Variants in REDIC1 observed in about 807,000 individuals in gnomAD.
The protein encoded by REDIC1 is regulator of DNA class I crossover intermediates 1.
the REDIC1 span, among the ~76,000 whole-genome samples, chr12:39,784,600 T>C: frequency 6.6e-6 from 1 of 152,304 alleles, no homozygotes; most frequent in East Asian, 1.9e-4. Flanking sequence ...ACTTAAATGT[T>C]AGACCTAAAA....
At chr12:39,697,861 C>A in the REDIC1 span, among the ~76,000 whole-genome samples, 1 of 152,012 alleles carries the variant, frequency 6.6e-6, no homozygotes, top group Non-Finnish European at 1.5e-5. Context: ...GACCACAAAA[C>A]GGCCAAAAAA....
At chr12:39,741,601 C>A in the REDIC1 span, among the ~76,000 whole-genome samples, 1 of 152,008 alleles carries the variant, frequency 6.6e-6, no homozygotes, top group African/African-American at 2.4e-5. Flanking sequence ...AAATAAAAAC[C>A]CAGGAAGTCT....
At chr12:39,795,243 G>T in the REDIC1 span, among the ~76,000 whole-genome samples, 1 of 150,698 alleles carries the variant, frequency 6.6e-6, no homozygotes, top group African/African-American at 2.4e-5. Context: ...GTTTCTTTGA[G>T]TTTCATTCAG....
chr12:39,646,536 G>T, the REDIC1 span: 2 of 1,379,170 alleles, frequency 1.5e-6, no homozygotes, highest in Non-Finnish European at 2.0e-6. Context: ...ACTCGAAAAT[G>T]TATAAAATAC....
chr12:39,712,907 AC>A, the REDIC1 span, among the ~76,000 whole-genome samples: 1 of 146,530 alleles, frequency 6.8e-6, no homozygotes, highest in African/African-American at 2.5e-5. Context: ...ACGTGTATAT[AC>A]GTATATACAT....
At chr12:39,783,748 G>C in the REDIC1 span, among the ~76,000 whole-genome samples, 1 of 152,034 alleles carries the variant, frequency 6.6e-6, no homozygotes, top group African/African-American at 2.4e-5. Flanking sequence ...TGAGTTCTTT[G>C]TAGATTCTGG....
At chr12:39,892,864 C>A in the REDIC1 span, among the ~76,000 whole-genome samples, 1 of 152,088 alleles carries the variant, frequency 6.6e-6, no homozygotes, top group East Asian at 1.9e-4. Flanking sequence ...TATTTTCCAT[C>A]TTTTTCTCAA....
the REDIC1 span, chr12:39,829,686 TACAGTCGTGATGC>T: frequency 5.6e-6 from 1 of 179,986 alleles, no homozygotes; most frequent in Non-Finnish European, 1.2e-5. Context: ...GTGCTGGGAT[TACAGTCGTGATGC>T]ACTGTGCCCA....
the REDIC1 span, among the ~76,000 whole-genome samples, chr12:39,667,960 C>T: frequency 6.6e-6 from 1 of 152,068 alleles, no homozygotes; most frequent in Non-Finnish European, 1.5e-5. Flanking sequence ...CTATGTGTGT[C>T]TCTGCGGGTG....
At chr12:39,881,358 G>C in the REDIC1 span, among the ~76,000 whole-genome samples, 1 of 152,170 alleles carries the variant, frequency 6.6e-6, no homozygotes, top group Admixed American at 6.5e-5. Context: ...AACTCAAACA[G>C]TGGATATGAT....
At chr12:39,799,520 A>C in the REDIC1 span, among the ~76,000 whole-genome samples, 7 of 152,176 alleles carry the variant, frequency 4.6e-5, no homozygotes, top group African/African-American at 1.7e-4. Context: ...CATTTCCCTT[A>C]GAACTGGCAG....
the REDIC1 span, among the ~76,000 whole-genome samples, chr12:39,760,452 C>A: frequency 6.6e-6 from 1 of 151,880 alleles, no homozygotes; most frequent in Admixed American, 6.6e-5. Flanking sequence ...TTTCTAAACT[C>A]AAGTTTAGAA....
chr12:39,717,592 A>C, the REDIC1 span, among the ~76,000 whole-genome samples: 8 of 152,124 alleles, frequency 5.3e-5, no homozygotes, highest in East Asian at 1.4e-3. Context: ...GGTGGGCAGG[A>C]GAGGCAGGCA....
chr12:39,878,640 G>C, the REDIC1 span, among the ~76,000 whole-genome samples: 48 of 152,334 alleles, frequency 3.2e-4, no homozygotes, highest in African/African-American at 1.1e-3. Flanking sequence ...ATCCTCAGAT[G>C]AGGGAGAAAA....
the REDIC1 span, among the ~76,000 whole-genome samples, chr12:39,868,721 T>G: frequency 1.3e-5 from 2 of 152,138 alleles, no homozygotes; most frequent in Non-Finnish European, 2.9e-5. Flanking sequence ...TCTTCCAATA[T>G]TAAAGAATCA....
At chr12:39,677,730 A>G in the REDIC1 span, among the ~76,000 whole-genome samples, 14 of 152,222 alleles carry the variant, frequency 9.2e-5, no homozygotes, top group Non-Finnish European at 1.9e-4. Context: ...AACACAAATT[A>G]TATCAAGTAC....
At chr12:39,827,537 T>C in the REDIC1 span, among the ~76,000 whole-genome samples, 1 of 152,180 alleles carries the variant, frequency 6.6e-6, no homozygotes, top group African/African-American at 2.4e-5. Flanking sequence ...CACTCTTTTG[T>C]GACGCTTGGG....
the REDIC1 span, among the ~76,000 whole-genome samples, chr12:39,890,542 C>G: frequency 6.6e-6 from 1 of 152,106 alleles, no homozygotes; most frequent in Admixed American, 6.6e-5. Flanking sequence ...AAGACGGAGG[C>G]AGAAGTAAAT....
chr12:39,686,560 C>T, the REDIC1 span, among the ~76,000 whole-genome samples: 297 of 152,094 alleles, frequency 2.0e-3, no homozygotes, highest in Admixed American at 4.2e-3. Context: ...ATTCTTCCAT[C>T]CTAGGCCTTC....
Sources: allele counts gnomAD v4.1 joint callset (sites outside exome capture counted in the v4.1 genomes callset), GRCh38; gene constraint gnomAD v4.1.1; transcripts MANE v1.5; gene names NCBI Gene and HGNC (gene_info 2026-07-23, HGNC 2026-07-21).